The following MCF2L2 variants were observed in gnomAD, a reference collection of about 807,000 sequenced individuals.
MCF2L2 encodes probable guanine nucleotide exchange factor MCF2L2.
Under a neutral mutation model 150.2 loss-of-function variants are expected in MCF2L2, and 102 were observed. The ratio of observed to expected loss-of-function variants is 0.68; its 90% CI spans 0.58 to 0.80. The LOEUF is 0.80. Among genes scored for constraint, MCF2L2 ranks in the 30% least tolerant of loss-of-function variants. The probability of loss-of-function intolerance (pLI) is 0.00; values close to 1 mark genes in which losing one functional copy is unlikely to be tolerated. For synonymous variants in MCF2L2, 465 were observed against 491.3 expected (o/e 0.95, Z 0.71); for missense variants, 1,256 against 1,372.8 (o/e 0.91, Z 1.34).
intron 27 of MCF2L2, among the ~76,000 whole-genome samples, chr3:183,189,163 G>C (rs1172977158): frequency 6.6e-6 from 1 of 152,194 alleles, no homozygotes; most frequent in African/African-American, 2.4e-5. Context: ...CACTGCTGGG[G>C]CCGAGCACTG....
intron 15 of MCF2L2, among the ~76,000 whole-genome samples, chr3:183,269,230 C>CTTTTTTTTTTTATTTTTT (rs1726472230): frequency 2.5e-5 from 2 of 81,030 alleles, no homozygotes; most frequent in East Asian, 1.1e-3. Context: ...GTTTGGGAAG[C>CTTTTTTTTTTTATTTTTT]TTTTTTTTTT....
chr3:183,333,483 T>C (rs1365102906), intron 5 of MCF2L2, among the ~76,000 whole-genome samples: 1 of 152,178 alleles, frequency 6.6e-6, no homozygotes, highest in East Asian at 1.9e-4. Context: ...CTCCCAGCCA[T>C]CTAGGTGGAG....
At chr3:183,275,598 T>A (rs758051076) in intron 15 of MCF2L2, among the ~76,000 whole-genome samples, 2 of 152,218 alleles carry the variant, frequency 1.3e-5, no homozygotes, top group African/African-American at 2.4e-5. Context: ...CAGTCTGCCA[T>A]ACGTTTTTTG....
intron 15 of MCF2L2, among the ~76,000 whole-genome samples, chr3:183,273,911 G>A (rs1726998942): frequency 6.6e-6 from 1 of 152,094 alleles, no homozygotes; most frequent in Non-Finnish European, 1.5e-5. Flanking sequence ...CATCGATGTG[G>A]TCACCTAAAG....
intron 27 of MCF2L2, among the ~76,000 whole-genome samples, chr3:183,183,975 A>G (rs1188237413): frequency 6.6e-6 from 1 of 152,142 alleles, no homozygotes; most frequent in African/African-American, 2.4e-5. Flanking sequence ...GCTCTTGACA[A>G]ATATTCAATC....
intron 21 of MCF2L2, among the ~76,000 whole-genome samples, chr3:183,216,568 A>AAG (rs1722931215): frequency 1.4e-4 from 1 of 7,000 alleles, no homozygotes; most frequent in Non-Finnish European, 2.4e-4. Context: ...ATATATATAT[A>AAG]TATATATATA....
intron 3 of MCF2L2, among the ~76,000 whole-genome samples, chr3:183,364,347 G>A (rs897415748): frequency 3.3e-5 from 5 of 150,930 alleles, no homozygotes; most frequent in South Asian, 2.1e-4. Context: ...AAACCCCGTC[G>A]CTACTAAAAA....
chr3:183,250,368 T>C (rs1368718898), intron 15 of MCF2L2, among the ~76,000 whole-genome samples: 1 of 152,030 alleles, frequency 6.6e-6, no homozygotes, highest in East Asian at 1.9e-4. Flanking sequence ...GGCGGATCAC[T>C]TGAAGTCAGG....
chr3:183,217,351 A>T (rs1289951760), intron 21 of MCF2L2, among the ~76,000 whole-genome samples: 1 of 146,258 alleles, frequency 6.8e-6, no homozygotes, highest in Non-Finnish European at 1.5e-5. Context: ...GTGTGCCTGT[A>T]ATCCCAGCTA....
Position 183,318,185 on chromosome 3 carries a change from G to T in MCF2L2, c.636C>A (p.Thr212=). ...CAAACGTCTGCAGCATCTGGGCAGT[G>T]GTCTTCAAGGTCAAGGCAAAGTTTT... ...AIENFALTLK[T]TAQMLQTFGS... Residue 212 remains threonine (T), a synonymous_variant, in exon 7 of 30, where the codon ACC becomes ACA. Coordinates refer to ENST00000328913, the MANE Select transcript of MCF2L2 (RefSeq NM_015078.4). 2 of 1,614,162 alleles carry T rather than the reference G, an allele frequency of 1.2e-6. No individual in the cohort carries two copies. The highest frequency in any genetic ancestry group is 1.7e-6 in the Non-Finnish European group (2 of 1,180,026).
At chr3:183,242,420 C>G (rs1355341844) in intron 15 of MCF2L2, among the ~76,000 whole-genome samples, 1 of 152,218 alleles carries the variant, frequency 6.6e-6, no homozygotes, top group East Asian at 1.9e-4. Context: ...GCCCGGGGAC[C>G]CCTGCTCTAT....
chr3:183,369,352 C>T (rs1712723260), intron 3 of MCF2L2, among the ~76,000 whole-genome samples: 1 of 152,182 alleles, frequency 6.6e-6, no homozygotes, highest in Non-Finnish European at 1.5e-5. Context: ...TGATAAGAGG[C>T]CACTGATCAC....
chr3:183,213,369 A>G (rs993592555), intron 22 of MCF2L2, among the ~76,000 whole-genome samples: 2 of 152,120 alleles, frequency 1.3e-5, no homozygotes, highest in Non-Finnish European at 2.9e-5. Context: ...AATTAGACCC[A>G]GGACTAATTG....
intron 3 of MCF2L2, among the ~76,000 whole-genome samples, chr3:183,364,291 C>A (rs768933404): frequency 6.6e-6 from 1 of 151,776 alleles, no homozygotes; most frequent in East Asian, 1.9e-4. Flanking sequence ...GCGAGGCGGG[C>A]GGATCACAAG....
intron 1 of MCF2L2, among the ~76,000 whole-genome samples, chr3:183,418,770 T>A (rs185510251): frequency 1.4e-4 from 22 of 152,350 alleles, no homozygotes; most frequent in Admixed American, 3.9e-4. Context: ...GCCTTGGGCA[T>A]CTCTGCCCCT....
intron 15 of MCF2L2, among the ~76,000 whole-genome samples, chr3:183,252,698 T>A (rs1380000688): frequency 6.6e-6 from 1 of 152,256 alleles, no homozygotes; most frequent in Non-Finnish European, 1.5e-5. Context: ...ATTTAACTCA[T>A]TACCTGTCTT....
chr3:183,341,752 C>CT (rs5854975), intron 3 of MCF2L2, 122 bp from the exon 4 acceptor site: 127,003 of 674,416 alleles, frequency 0.19, 16,056 homozygotes, highest in African/African-American at 0.53. Flanking sequence ...AAACACCCTG[C>CT]ACAGCACAAC....
At chr3:183,199,514 GGTGGAGAAAAAACCC>G in intron 25 of MCF2L2, among the ~76,000 whole-genome samples, 1 of 152,146 alleles carries the variant, frequency 6.6e-6, no homozygotes, top group South Asian at 2.1e-4. Flanking sequence ...CAGTGAAAAT[GGTGGAGAAAAAACCC>G]GTCCCCAAAT....
At chr3:183,425,615 C>T (rs1205209186) in intron 1 of MCF2L2, among the ~76,000 whole-genome samples, 8 of 152,146 alleles carry the variant, frequency 5.3e-5, no homozygotes, top group Non-Finnish European at 1.0e-4. Flanking sequence ...CCTTGAGGTC[C>T]CCCAGTAGGG....
Sources: gnomAD v4.1 joint callset for allele counts (sites outside exome capture counted in the v4.1 genomes callset) on GRCh38, gnomAD v4.1.1 for gene constraint, MANE v1.5 for transcripts, NCBI Gene and HGNC (gene_info 2026-07-23, HGNC 2026-07-21) for gene names.